Variants in ATP10A observed in about 807,000 individuals in gnomAD.
The protein encoded by ATP10A is ATPase phospholipid transporting 10A (putative).
A neutral mutation model predicts 147.8 loss-of-function variants in ATP10A; 111 were observed. That is an observed-to-expected ratio of 0.75 (90% CI 0.64 to 0.88). The LOEUF is 0.88. Ranked by LOEUF, ATP10A falls within the 40% of genes least tolerant of loss-of-function variation. ATP10A has a pLI of 0.00. For synonymous variants in ATP10A, 875 were observed against 841.6 expected (o/e 1.04, Z -0.69); for missense variants, 1,927 against 1,959.0 (o/e 0.98, Z 0.31).
Position 25,781,201 on chromosome 15 carries a change from G to A in ATP10A, c.472C>T (p.Arg158Ter), listed in dbSNP as rs267604144. 1.2e-5 allele frequency: 20 copies of A among 1,613,894 alleles called. No homozygotes were observed. In the South Asian group the frequency reaches 1.6e-4, roughly 13 times the overall value. ...FSREEKKYVN[R>*]FWKEIHVGDF... Reference sequence around the variant, plus strand: ...CCCACGTGGATTTCTTTCCAGAATCGGTTCACGTATTTCTTTTCTTCCCTA... The same window carrying A: ...CCCACGTGGATTTCTTTCCAGAATCAGTTCACGTATTTCTTTTCTTCCCTA... The change falls in exon 2 of 21, where the codon CGA becomes TGA. Residue 158 changes from arginine (R) to a stop codon, truncating the protein, a stop_gained. Coordinates refer to ENST00000555815, the MANE Select transcript of ATP10A (RefSeq NM_024490.4). LOFTEE classifies it high-confidence loss of function.
At chr15:25,674,050 C>T (rs1203743062), downstream of ATP10A, among the ~76,000 whole-genome samples, 2 of 152,244 alleles carry the variant, frequency 1.3e-5, no homozygotes, top group African/African-American at 4.8e-5. Context: ...CGCTGTTACA[C>T]TGATGAAAAG....
intron 7 of ATP10A, among the ~76,000 whole-genome samples, chr15:25,720,885 C>G (rs539958679): frequency 1.1e-4 from 17 of 152,188 alleles, no homozygotes; most frequent in Non-Finnish European, 1.6e-4. Flanking sequence ...TAGTCATGCC[C>G]GCTTGCGTTC....
intron 2 of ATP10A, among the ~76,000 whole-genome samples, chr15:25,778,719 C>T (rs1317767123): frequency 2.0e-5 from 3 of 152,046 alleles, no homozygotes; most frequent in African/African-American, 7.3e-5. Context: ...CAGCCGTCCT[C>T]GAGTTTCAAA....
intron 1 of ATP10A, among the ~76,000 whole-genome samples, chr15:25,853,552 G>A (rs1218348268): frequency 6.6e-6 from 1 of 152,132 alleles, no homozygotes; most frequent in Non-Finnish European, 1.5e-5. Context: ...CCGGTTGTGA[G>A]TACCAGTGCC....
chr15:25,762,082 G>A (rs186863530), intron 2 of ATP10A, among the ~76,000 whole-genome samples: 5 of 152,228 alleles, frequency 3.3e-5, no homozygotes, highest in Middle Eastern at 3.4e-3. Flanking sequence ...TGCTGTTCTC[G>A]TGACAGTGAG....
chr15:25,823,242 T>G (rs145544682), intron 1 of ATP10A, among the ~76,000 whole-genome samples: 139 of 152,328 alleles, frequency 9.1e-4, no homozygotes, highest in Middle Eastern at 3.4e-3. Flanking sequence ...AAACCTCTTC[T>G]GCATCTTGAT....
chr15:25,801,051 T>C (rs1482300630), intron 1 of ATP10A, among the ~76,000 whole-genome samples: 2 of 151,984 alleles, frequency 1.3e-5, no homozygotes, highest in African/African-American at 4.8e-5. Flanking sequence ...AGAAAGACCT[T>C]TGGGGTGACA....
At chr15:25,708,340 C>T (rs768705258) in intron 10 of ATP10A, 40 bp from the exon 11 acceptor site, 6 of 1,569,422 alleles carry the variant, frequency 3.8e-6, no homozygotes, top group South Asian at 1.1e-5. Context: ...TAAGAACTGG[C>T]GCCTGTGGAA....
chr15:25,771,439 C>T (rs1889329490), intron 2 of ATP10A, among the ~76,000 whole-genome samples: 1 of 152,070 alleles, frequency 6.6e-6, no homozygotes, highest in African/African-American at 2.4e-5. Context: ...ATTAGGTCTG[C>T]GATCTAAGTC....
Position 25,845,201 on chromosome 15 carries a change from C to A in ATP10A, c.449+17447G>T, listed in dbSNP as rs1389935430. 4.6e-5 allele frequency among the ~76,000 whole-genome samples: 7 copies of A among 152,298 alleles called. No individual in the cohort carries two copies. In the East Asian group the frequency reaches 1.4e-3, roughly 30 times the overall value. On this transcript the variant is annotated intron_variant, in intron 1 of 20. Transcript: ENST00000555815. ...CACTGCTGACTGCCAGGAATCTGGG[C>A]ACGCACAAGGGACACAGACTGAATG...
At chr15:25,816,056 A>T (rs1891641951) in intron 1 of ATP10A, among the ~76,000 whole-genome samples, 1 of 151,048 alleles carries the variant, frequency 6.6e-6, no homozygotes, top group South Asian at 2.1e-4. Flanking sequence ...TAATTGACTT[A>T]TAGGAAAATT....
chr15:25,805,998 T>A (rs561471184), intron 1 of ATP10A, among the ~76,000 whole-genome samples: 1 of 152,352 alleles, frequency 6.6e-6, no homozygotes, highest in African/African-American at 2.4e-5. Flanking sequence ...TTTTATTTTC[T>A]AATGCAGAAA....
intron 1 of ATP10A, among the ~76,000 whole-genome samples, chr15:25,787,367 AC>A (rs1890218883): frequency 6.6e-6 from 1 of 152,124 alleles, no homozygotes; most frequent in South Asian, 2.1e-4. Flanking sequence ...TAATCCCAGC[AC>A]TTTGGGAGGC....
intron 1 of ATP10A, among the ~76,000 whole-genome samples, chr15:25,808,338 C>A (rs1401026969): frequency 6.6e-6 from 1 of 152,196 alleles, no homozygotes; most frequent in African/African-American, 2.4e-5. Flanking sequence ...CAACAGCTCT[C>A]ATAGAAACAT....
intron 13 of ATP10A, among the ~76,000 whole-genome samples, chr15:25,695,866 T>C (rs886606270): frequency 1.3e-5 from 2 of 151,968 alleles, no homozygotes; most frequent in Non-Finnish European, 2.9e-5. Context: ...GGCTTTGTTA[T>C]GATTAGCCCC....
chr15:25,807,228 C>T (rs1891227142), intron 1 of ATP10A, among the ~76,000 whole-genome samples: 1 of 152,208 alleles, frequency 6.6e-6, no homozygotes, highest in African/African-American at 2.4e-5. Context: ...GCACCACTGG[C>T]TGCTCGACCC....
chr15:25,716,017 C>T (rs1244962949), intron 9 of ATP10A, among the ~76,000 whole-genome samples: 1 of 152,242 alleles, frequency 6.6e-6, no homozygotes, highest in Non-Finnish European at 1.5e-5. Flanking sequence ...TTTCCTCTCT[C>T]AGGAGAAAAC....
chr15:25,769,488 A>G (rs1224917762), intron 2 of ATP10A, among the ~76,000 whole-genome samples: 4 of 8,940 alleles, frequency 4.5e-4, no homozygotes, highest in Non-Finnish European at 7.2e-4. Context: ...CTCTGTCTCA[A>G]AAAAAAAAAA....
At chr15:25,743,882 C>T (rs74003881) in intron 2 of ATP10A, among the ~76,000 whole-genome samples, 2,514 of 152,186 alleles carry the variant, frequency 0.017, 70 homozygotes, top group African/African-American at 0.056. Context: ...GTCTGTCTCA[C>T]GCTGTATCAC....
Sources: allele counts gnomAD v4.1 joint callset (sites outside exome capture counted in the v4.1 genomes callset), GRCh38; gene constraint gnomAD v4.1.1; transcripts MANE v1.5; gene names NCBI Gene and HGNC (gene_info 2026-07-23, HGNC 2026-07-21).